KIF25: variants seen among roughly 807,000 people sequenced by gnomAD.
KIF25 encodes kinesin family member 25.
In KIF25, 19 loss-of-function variants were observed where a neutral mutation model predicts 32.9. That is an observed-to-expected ratio of 0.58 (90% confidence interval 0.40 to 0.85). The LOEUF is 0.85. KIF25 is among the 40% of genes least tolerant of loss of function. KIF25 has a pLI of 0.00. For missense variants in KIF25, 485 were observed against 507.0 expected, an observed-to-expected ratio of 0.96 and a Z score of 0.42; for synonymous variants, 225 against 213.7, an observed-to-expected ratio of 1.05 and a Z score of -0.46.
chr6:168,041,923 C>G, intron 10 of KIF25, 46 bp from the exon 11 acceptor site: 1 of 1,536,704 alleles, frequency 6.5e-7, no homozygotes, highest in Non-Finnish European at 8.8e-7. Flanking sequence ...AGCCTCATGG[C>G]TTCATGCAAC....
intron 4 of KIF25, among the ~76,000 whole-genome samples, chr6:168,014,505 G>T (rs1032496961): frequency 5.9e-5 from 9 of 152,142 alleles, no homozygotes; most frequent in Non-Finnish European, 1.2e-4. Context: ...AATTTGATAG[G>T]CCTGTTCATT....
chr6:168,037,010 C>T (rs950760445), intron 8 of KIF25, among the ~76,000 whole-genome samples: 1 of 151,950 alleles, frequency 6.6e-6, no homozygotes, highest in East Asian at 1.9e-4. Context: ...TGCAGTGAGC[C>T]GAGAATGTGC....
At chr6:168,041,114 C>T (rs1292405367) in intron 10 of KIF25, among the ~76,000 whole-genome samples, 3 of 152,228 alleles carry the variant, frequency 2.0e-5, no homozygotes, top group Non-Finnish European at 4.4e-5. Context: ...AGACTGTAGT[C>T]CCATCAAAAC....
intron 4 of KIF25, among the ~76,000 whole-genome samples, chr6:168,017,496 C>G (rs564632710): frequency 6.6e-6 from 1 of 152,174 alleles, no homozygotes; most frequent in African/African-American, 2.4e-5. Flanking sequence ...CCAGCAAGAT[C>G]GAAATTTGTT....
intron 8 of KIF25, among the ~76,000 whole-genome samples, chr6:168,038,081 C>T (rs1370847484): frequency 2.0e-5 from 3 of 152,006 alleles, no homozygotes; most frequent in South Asian, 2.1e-4. Context: ...AGTTGGAAGG[C>T]GTAAGTGGAA....
chr6:168,026,054 C>T (rs978271069), intron 5 of KIF25, among the ~76,000 whole-genome samples: 2 of 151,934 alleles, frequency 1.3e-5, no homozygotes, highest in South Asian at 2.1e-4. Flanking sequence ...GAGGAAGCTG[C>T]GGGGGGCACC....
rs1487147935 is a variant in KIF25, at chr6:168,033,871, C to T, written c.168-11C>T. The T allele has an allele frequency of 2.5e-6, 4 of 1,609,628 alleles. No individual in the cohort carries two copies. Among genetic ancestry groups the T allele is most frequent in the Non-Finnish European group, 3.4e-6 (4 of 1,176,514 alleles). ...TGTGTTTTGCTGGACTGAATCTGCT[C>T]TGAATTTTAGGTACAATGTTTGTGT... On this transcript the variant is annotated splice_polypyrimidine_tract_variant and intron_variant, in intron 7 of 12. Transcript: ENST00000643607.
rs1431921142 is a variant in KIF25, at chr6:167,997,715, G to C, written c.-1754G>C. 6.6e-6 allele frequency among the ~76,000 whole-genome samples: 1 copy of C among 152,076 alleles called. No homozygotes were observed. Among genetic ancestry groups the C allele is most frequent in the Non-Finnish European group, 1.5e-5 (1 of 68,002 alleles). On this transcript the variant is annotated 5_prime_UTR_variant, in exon 1 of 13. The change abolishes an upstream ATG in the 5' untranslated region. Transcript: ENST00000643607. ...GAAGGTATGAGACCTGAGATCCCAT[G>C]AAATTTAATGTAAAGTCTCAGGGTT...
chr6:168,017,953 G>A lies in KIF25; in HGVS notation c.-162-20G>A, dbSNP rs1242457086. 1 of 152,554 alleles carries A rather than the reference G, an allele frequency of 6.6e-6. No homozygotes were observed. The highest frequency in any genetic ancestry group is 6.5e-5 in the Admixed American group (1 of 15,268). The allele number at this position is 152,554 out of a possible 1,614,324, so 9.5% of individuals were successfully genotyped here. On this transcript the variant is annotated intron_variant, in intron 4 of 12. Coordinates refer to ENST00000643607, the MANE Select transcript of KIF25 (RefSeq NM_030615.4). The stretch of plus-strand genomic sequence containing the variant: ...GCAGCACACAAAGTCTTATGACGTC[G>A]TTTTACTCTTTTCTCTCAGGAAACA...
intron 3 of KIF25, among the ~76,000 whole-genome samples, chr6:168,003,173 T>A (rs532036588): frequency 9.9e-4 from 151 of 152,228 alleles, no homozygotes; most frequent in African/African-American, 3.6e-3. Flanking sequence ...ATTTAAGCGT[T>A]CTTACTGGAG....
intron 7 of KIF25, among the ~76,000 whole-genome samples, chr6:168,031,244 A>G (rs1333906397): frequency 6.6e-6 from 1 of 152,246 alleles, no homozygotes; most frequent in Non-Finnish European, 1.5e-5. Flanking sequence ...TCAGCCTTCT[A>G]TTCTTGCAGT....
intron 4 of KIF25, among the ~76,000 whole-genome samples, chr6:168,007,617 C>G (rs1798595725): frequency 6.6e-6 from 1 of 152,194 alleles, no homozygotes; most frequent in African/African-American, 2.4e-5. Flanking sequence ...TCTGTATAAG[C>G]TGGCCGAAAA....
chr6:168,028,760 T>C (rs1361977445), intron 5 of KIF25, among the ~76,000 whole-genome samples: 1 of 152,248 alleles, frequency 6.6e-6, no homozygotes, highest in African/African-American at 2.4e-5. Context: ...AGTTTAATCA[T>C]GTATTTTCAG....
At chr6:168,035,679 G>C in intron 8 of KIF25, 2 of 455,466 alleles carry the variant, frequency 4.4e-6, no homozygotes, top group Non-Finnish European at 8.8e-6. Context: ...CAGTCGCCTC[G>C]TTTCTAAAAT....
chr6:168,015,881 T>C (rs752256289), intron 4 of KIF25, among the ~76,000 whole-genome samples: 8 of 152,288 alleles, frequency 5.3e-5, no homozygotes, highest in Non-Finnish European at 1.0e-4. Flanking sequence ...GCACGTTTCT[T>C]GTATGGTGTC....
chr6:168,000,694 T>G (rs539712324), intron 2 of KIF25, among the ~76,000 whole-genome samples: 7 of 150,120 alleles, frequency 4.7e-5, no homozygotes, highest in Non-Finnish European at 8.9e-5. Flanking sequence ...CCCTCCCCAC[T>G]CCCATTGCTG....
chr6:168,001,956 G>C (rs79182267), intron 2 of KIF25, among the ~76,000 whole-genome samples: 1 of 103,222 alleles, frequency 9.7e-6, no homozygotes, highest in East Asian at 3.0e-4. Flanking sequence ...AGGCGTGGCC[G>C]CGGGCAGGTG....
In KIF25 at chr6:167,999,471, G is replaced by T. The variant is rs67558738; in HGVS notation, c.-370+151G>T. 1.8e-3 allele frequency among the ~76,000 whole-genome samples: 268 copies of T among 152,292 alleles called. 2 individuals carry two copies. Among genetic ancestry groups the T allele is most frequent in the Middle Eastern group, 3.4e-3 (1 of 294 alleles). ...GGTGGGGGCTCTGTTTAAGGATGGCGCTGTCTTGCTGACAGTGGACACTCT... is the reference window on the plus strand; with the variant it reads ...GGTGGGGGCTCTGTTTAAGGATGGCTCTGTCTTGCTGACAGTGGACACTCT... On this transcript the variant is annotated intron_variant, in intron 2 of 12. Coordinates refer to ENST00000643607, the MANE Select transcript of KIF25 (RefSeq NM_030615.4).
intron 2 of KIF25, among the ~76,000 whole-genome samples, chr6:167,999,546 C>T (rs1798468735): frequency 6.6e-6 from 1 of 152,230 alleles, no homozygotes; most frequent in Non-Finnish European, 1.5e-5. Context: ...CTGAGCAGGC[C>T]TCTCGTGCGT....
Sources: gnomAD v4.1 joint callset for allele counts (sites outside exome capture counted in the v4.1 genomes callset) on GRCh38, gnomAD v4.1.1 for gene constraint, MANE v1.5 for transcripts, NCBI Gene and HGNC (gene_info 2026-07-23, HGNC 2026-07-21) for gene names.